Variants in PAWR observed in about 807,000 individuals in gnomAD.
PAWR encodes pro-apoptotic WT1 regulator.
In PAWR, 23 loss-of-function variants were observed where a neutral mutation model predicts 32.0. The ratio of observed to expected loss-of-function variants is 0.72; its 90% CI spans 0.52 to 1.02. The LOEUF (loss-of-function observed/expected upper bound fraction) is 1.02. PAWR is among the 50% of genes least tolerant of loss of function. The pLI is 0.00. For synonymous variants in PAWR, 226 were observed against 187.1 expected (o/e 1.21, Z -1.70); for missense variants, 457 against 437.7 (o/e 1.04, Z -0.39).
intron 2 of PAWR, among the ~76,000 whole-genome samples, chr12:79,640,004 A>G (rs1453116008): frequency 1.3e-5 from 2 of 152,050 alleles, no homozygotes; most frequent in Non-Finnish European, 2.9e-5. Context: ...TCCTGGGTTC[A>G]AGTAATTCTC....
chr12:79,614,761 C>G (rs1252872576), intron 3 of PAWR, among the ~76,000 whole-genome samples: 1 of 152,102 alleles, frequency 6.6e-6, no homozygotes, highest in African/African-American at 2.4e-5. Flanking sequence ...ATAAGATAAC[C>G]AGTTCCAGAG....
intron 2 of PAWR, among the ~76,000 whole-genome samples, chr12:79,648,810 A>C (rs1269832114): frequency 1.3e-5 from 2 of 151,766 alleles, no homozygotes; most frequent in African/African-American, 4.8e-5. Context: ...AAAAATAAAA[A>C]AACCCTAAAA....
At chr12:79,687,929 CAT>C (rs1403696392) in intron 2 of PAWR, among the ~76,000 whole-genome samples, 4 of 152,028 alleles carry the variant, frequency 2.6e-5, no homozygotes, top group Non-Finnish European at 4.4e-5. Context: ...CGGACAGAGA[CAT>C]AGTTACCACT....
At chr12:79,688,658 A>G (rs1878804971) in intron 2 of PAWR, among the ~76,000 whole-genome samples, 1 of 152,176 alleles carries the variant, frequency 6.6e-6, no homozygotes, top group Non-Finnish European at 1.5e-5. Context: ...TTTAACAGGT[A>G]TGGAAATCAT....
At chr12:79,612,443 C>G (rs1310054631) in intron 4 of PAWR, among the ~76,000 whole-genome samples, 2 of 152,070 alleles carry the variant, frequency 1.3e-5, no homozygotes, top group African/African-American at 4.8e-5. Flanking sequence ...CTCCAACATA[C>G]AGATGAAAGT....
intron 2 of PAWR, among the ~76,000 whole-genome samples, chr12:79,632,355 ATATATATT>A (rs1319105513): frequency 1.8e-3 from 32 of 17,766 alleles, no homozygotes; most frequent in East Asian, 5.1e-3. Context: ...ATATATATAT[ATATATATT>A]TTTTTTTTTT....
At position 79,586,364 on chromosome 12, in the gene PAWR, GAA is replaced by G. The variant is rs1277136408; in HGVS notation, c.*6241_*6242del. 6.6e-6 allele frequency: 1 copy of G among 152,540 alleles called. No individual in the cohort carries two copies. Among genetic ancestry groups the G allele is most frequent in the Non-Finnish European group, 1.5e-5 (1 of 68,006 alleles). 9.4% of individuals were successfully genotyped at this position (152,540 alleles called of 1,614,324 possible). A position where few individuals can be genotyped will look rare whatever the true frequency, so the allele number is the denominator to read the frequency against. On this transcript the variant is annotated 3_prime_UTR_variant, in exon 7 of 7. Coordinates refer to ENST00000328827, the MANE Select transcript of PAWR (RefSeq NM_002583.4). ...GCTTTAGGCTTTTGCACTACACAAA[GAA>G]AAAGACACCTTTCTATTCATTTCTT...
At chr12:79,658,504 T>C (rs1057012244) in intron 2 of PAWR, among the ~76,000 whole-genome samples, 10 of 152,298 alleles carry the variant, frequency 6.6e-5, no homozygotes, top group Admixed American at 1.3e-4. Flanking sequence ...TAAAAACTTA[T>C]GTTTACATAC....
intron 2 of PAWR, among the ~76,000 whole-genome samples, chr12:79,661,375 T>C (rs1193312588): frequency 6.6e-6 from 1 of 152,120 alleles, no homozygotes; most frequent in Non-Finnish European, 1.5e-5. Context: ...AAATCCATTA[T>C]GCCATTAACA....
chr12:79,633,300 A>T (rs1875803013), intron 2 of PAWR, among the ~76,000 whole-genome samples: 1 of 152,162 alleles, frequency 6.6e-6, no homozygotes, highest in Non-Finnish European at 1.5e-5. Flanking sequence ...CTTAGAACAC[A>T]ATTAAAAAAA....
At chr12:79,667,209 G>GATATT (rs537037019) in intron 2 of PAWR, among the ~76,000 whole-genome samples, 240 of 152,324 alleles carry the variant, frequency 1.6e-3, no homozygotes, top group Non-Finnish European at 2.7e-3. Context: ...ACCTGTCTCA[G>GATATT]ATATTAATAT....
intron 2 of PAWR, 64 bp downstream of exon 2, chr12:79,689,665 G>A (rs1878871145): frequency 4.0e-6 from 6 of 1,507,392 alleles, no homozygotes; most frequent in Non-Finnish European, 5.3e-6. Flanking sequence ...GCTCCCAGGA[G>A]GAAGACACCG....
chr12:79,646,410 A>G (rs1876578406), intron 2 of PAWR, among the ~76,000 whole-genome samples: 1 of 152,220 alleles, frequency 6.6e-6, no homozygotes, highest in Admixed American at 6.5e-5. Context: ...GTAGAGGTAA[A>G]GAACAAACCA....
chr12:79,585,363 T>C lies in PAWR; in HGVS notation c.*7244A>G, dbSNP rs1329312334. 4.7e-6 allele frequency: 1 copy of C among 210,602 alleles called. No individual in the cohort carries two copies. Among genetic ancestry groups the C allele is most frequent in the East Asian group, 1.4e-4 (1 of 6,998 alleles). The allele number at this position is 210,602 out of a possible 1,614,324, so 13.0% of individuals were successfully genotyped here. The stretch of plus-strand genomic sequence containing the variant: ...GACTCAAGTGTTGGGTGGGGCCAAA[T>C]AATTTGTATTTCTAACAGGTTTCTA... On this transcript the variant is annotated 3_prime_UTR_variant, in exon 7 of 7. Transcript: ENST00000328827.
chr12:79,666,985 T>C (rs185394371), intron 2 of PAWR, among the ~76,000 whole-genome samples: 165 of 152,314 alleles, frequency 1.1e-3, no homozygotes, highest in African/African-American at 3.8e-3. Flanking sequence ...AGGGCAAACC[T>C]GCCTCTGACC....
At position 79,635,162 on chromosome 12, in the gene PAWR, G is replaced by C. The variant is rs1470768884; in HGVS notation, c.517-13955C>G. ...TCAGATGCAGATTAAAACCTGGCTG[G>C]CTCCCTGAAAAAGACTCCCTGTGGT... is the stretch of plus-strand genomic sequence containing the variant. On this transcript the variant is annotated intron_variant, in intron 2 of 6. Transcript: ENST00000328827. Among the ~76,000 whole-genome samples the C allele has an allele frequency of 2.0e-5, 3 of 151,996 alleles. No homozygotes were observed. The East Asian group carries it at 5.8e-4, about 29-fold the overall frequency.
rs73345511 is a variant in PAWR at position 79,649,333 on chromosome 12, A to T, written c.517-28126T>A. 9.1e-3 allele frequency among the ~76,000 whole-genome samples: 1,380 copies of T among 152,274 alleles called. 33 individuals are homozygous for T. Among genetic ancestry groups the T allele is most frequent in the African/African-American group, 0.032 (1,334 of 41,550 alleles). ...TATTACAAAGGGCAGCTTTTTCTTT[A>T]TGTTAAGGACATTTATGATATATTA... On this transcript the variant is annotated intron_variant, in intron 2 of 6. Transcript: ENST00000328827.
intron 4 of PAWR, among the ~76,000 whole-genome samples, chr12:79,608,333 A>C (rs1200490094): frequency 6.6e-6 from 1 of 152,130 alleles, no homozygotes; most frequent in Non-Finnish European, 1.5e-5. Flanking sequence ...TTCGGGATGA[A>C]ACTGTTCCAC....
chr12:79,639,147 G>A (rs1009036040), intron 2 of PAWR, among the ~76,000 whole-genome samples: 3 of 150,890 alleles, frequency 2.0e-5, no homozygotes, highest in South Asian at 2.1e-4. Context: ...ACCTGACCCC[G>A]TGATCTGCCC....
Sources: allele counts gnomAD v4.1 joint callset (sites outside exome capture counted in the v4.1 genomes callset), GRCh38; gene constraint gnomAD v4.1.1; transcripts MANE v1.5; gene names NCBI Gene and HGNC (gene_info 2026-07-23, HGNC 2026-07-21).